Variants in ACOT7 observed in about 807,000 individuals in gnomAD.
ACOT7 encodes cytosolic acyl coenzyme A thioester hydrolase.
A neutral mutation model predicts 40.2 loss-of-function variants in ACOT7; 12 were observed. The ratio of observed to expected loss-of-function variants is 0.30; its 90% CI spans 0.19 to 0.48. ACOT7 has a LOEUF of 0.48. ACOT7 is among the 20% of genes least tolerant of loss of function. The probability of loss-of-function intolerance (pLI) is 0.99; values close to 1 mark genes in which losing one functional copy is unlikely to be tolerated. For missense variants in ACOT7, 395 were observed against 530.8 expected, an observed-to-expected ratio of 0.74 and a Z score of 2.51; for synonymous variants, 228 against 219.5, an observed-to-expected ratio of 1.04 and a Z score of -0.34.
At chr1:6,326,311 C>T (rs1040789187) in intron 5 of ACOT7, among the ~76,000 whole-genome samples, 1 of 152,202 alleles carries the variant, frequency 6.6e-6, no homozygotes, top group Non-Finnish European at 1.5e-5. Flanking sequence ...TCCCCAGGGC[C>T]CCCTGCCCTG....
intron 2 of ACOT7, among the ~76,000 whole-genome samples, chr1:6,347,118 G>T (rs535933899): frequency 6.7e-6 from 1 of 150,096 alleles, no homozygotes; most frequent in Non-Finnish European, 1.5e-5. Context: ...GTGTGGATGC[G>T]GGGGTCCCCT....
In ACOT7 at chr1:6,363,876, C is replaced by T. The variant is rs115246394; in HGVS notation, c.144-14010G>A. ...TTATTTCTACAATCTCTCATCTCCC[C>T]ACATGGGGAGAAAAGCCACCGACCC... On this transcript the variant is annotated intron_variant, in intron 1 of 8. Coordinates refer to ENST00000361521, the MANE Select transcript of ACOT7 (RefSeq NM_007274.4). Among the ~76,000 whole-genome samples, 1,111 of 152,224 alleles carry T rather than the reference C, an allele frequency of 7.3e-3. 8 individuals carry two copies. Among genetic ancestry groups the T allele is most frequent in the South Asian group, 0.014 (66 of 4,824 alleles).
At chr1:6,374,373 C>T (rs998760542) in intron 1 of ACOT7, among the ~76,000 whole-genome samples, 3 of 152,228 alleles carry the variant, frequency 2.0e-5, no homozygotes, top group Admixed American at 1.3e-4. Context: ...CCAGCAGGCC[C>T]TAAGTACTTC....
At chr1:6,377,661 A>T (rs1028908216) in intron 1 of ACOT7, among the ~76,000 whole-genome samples, 3 of 152,236 alleles carry the variant, frequency 2.0e-5, no homozygotes, top group African/African-American at 7.2e-5. Flanking sequence ...GAGACACCAA[A>T]GTGTAGTATC....
chr1:6,332,896 A>G (rs1640999749), intron 4 of ACOT7, among the ~76,000 whole-genome samples: 2 of 152,210 alleles, frequency 1.3e-5, no homozygotes, highest in African/African-American at 4.8e-5. Flanking sequence ...CGAAGCCAGA[A>G]ATGAGAGAAA....
intron 1 of ACOT7, among the ~76,000 whole-genome samples, chr1:6,377,353 T>C (rs1467102833): frequency 6.6e-6 from 1 of 152,042 alleles, no homozygotes; most frequent in Admixed American, 6.6e-5. Flanking sequence ...CTGGACAACA[T>C]AGCGAGACTC....
chr1:6,387,221 C>T (rs190638146), intron 1 of ACOT7, among the ~76,000 whole-genome samples: 24 of 152,194 alleles, frequency 1.6e-4, no homozygotes, highest in Middle Eastern at 3.4e-3. Context: ...GACATCACAA[C>T]TGGGCCCGCC....
At chr1:6,284,218 G>C (rs929326527) in intron 7 of ACOT7, among the ~76,000 whole-genome samples, 1 of 152,160 alleles carries the variant, frequency 6.6e-6, no homozygotes, top group Non-Finnish European at 1.5e-5. Flanking sequence ...GACTGTCCCA[G>C]GGGACCTCGG....
At chr1:6,353,621 G>A (rs1641658085) in intron 1 of ACOT7, among the ~76,000 whole-genome samples, 2 of 152,368 alleles carry the variant, frequency 1.3e-5, no homozygotes, top group South Asian at 4.1e-4. Context: ...GTGACAGAGT[G>A]AGACTTCGTC....
At chr1:6,375,003 C>T (rs112534441) in intron 1 of ACOT7, among the ~76,000 whole-genome samples, 3,352 of 152,164 alleles carry the variant, frequency 0.022, 115 homozygotes, top group African/African-American at 0.077. Flanking sequence ...ACAGGCCGGG[C>T]GCGGTGGCTC....
At position 6,282,821 on chromosome 1, in the gene ACOT7, A is replaced by G. The variant is rs1411002219; in HGVS notation, c.830-1535T>C. ...GCTGTAAGGTACAGAGTCCCATGCA[A>G]AGCGCCCGCAGTCACAAGACGCACC... On this transcript the variant is annotated intron_variant, in intron 7 of 8. Transcript: ENST00000361521. This position sits in a 1 kb window ranked among gnomAD's most constrained non-coding sequence, Gnocchi z 4.5. 1 of 1,303,218 alleles carries G rather than the reference A, an allele frequency of 7.7e-7. No individual in the cohort carries two copies. The highest frequency in any genetic ancestry group is 1.0e-6 in the Non-Finnish European group (1 of 988,028). The allele number at this position is 1,303,218 out of a possible 1,614,324, so 80.7% of individuals were successfully genotyped here. A position where few individuals can be genotyped will look rare whatever the true frequency, so the allele number is the denominator to read the frequency against.
intron 1 of ACOT7, among the ~76,000 whole-genome samples, chr1:6,379,308 G>C (rs34185555): frequency 0.32 from 49,066 of 151,698 alleles, 12,731 homozygotes; most frequent in African/African-American, 0.71. Flanking sequence ...CAGCTGTGAC[G>C]GCAAGCAAGT....
At chr1:6,296,175 G>C (rs1028247323) in intron 6 of ACOT7, among the ~76,000 whole-genome samples, 1 of 151,962 alleles carries the variant, frequency 6.6e-6, no homozygotes, top group Non-Finnish European at 1.5e-5. Context: ...GATTACAGTC[G>C]TGCTACTGAG....
chr1:6,323,974 G>A (rs1000230680), intron 5 of ACOT7, among the ~76,000 whole-genome samples: 1 of 151,880 alleles, frequency 6.6e-6, no homozygotes, highest in Non-Finnish European at 1.5e-5. Context: ...GGGCAGAGAC[G>A]GAGGGTCCTC....
chr1:6,312,420 T>G lies in ACOT7; in HGVS notation c.712+6072A>C, dbSNP rs374030319. Among the ~76,000 whole-genome samples the G allele has an allele frequency of 2.4e-4, 37 of 151,748 alleles. No homozygotes were observed. The South Asian group carries it at 7.1e-3, about 29-fold the overall frequency. On this transcript the variant is annotated intron_variant, in intron 6 of 8. Coordinates refer to ENST00000361521, the MANE Select transcript of ACOT7 (RefSeq NM_007274.4). ...TTCCCCATGATGTGCTTTCTTTCTTTCCCTCCCTCCCTCCCTCCCCCTCTC... is the reference window on the plus strand; with the variant it reads ...TTCCCCATGATGTGCTTTCTTTCTTGCCCTCCCTCCCTCCCTCCCCCTCTC...
At chr1:6,376,658 C>T (rs963054576) in intron 1 of ACOT7, among the ~76,000 whole-genome samples, 2 of 147,350 alleles carry the variant, frequency 1.4e-5, no homozygotes, top group Admixed American at 7.0e-5. Context: ...ACCTGGGAGG[C>T]GGAGGTTGCA....
At chr1:6,303,048 G>A (rs894448663) in intron 6 of ACOT7, among the ~76,000 whole-genome samples, 2 of 152,278 alleles carry the variant, frequency 1.3e-5, no homozygotes, top group Admixed American at 1.3e-4. Flanking sequence ...CGCTTCTGAC[G>A]CTGGAAGCCA....
intron 6 of ACOT7, among the ~76,000 whole-genome samples, chr1:6,315,522 C>T (rs61763897): frequency 6.6e-6 from 1 of 151,922 alleles, no homozygotes; most frequent in Non-Finnish European, 1.5e-5. Flanking sequence ...GAGGCCGAGG[C>T]GGGCAGATCA....
Position 6,282,894 on chromosome 1 carries a change from A to G in ACOT7, c.830-1608T>C. 2 of 813,912 alleles carry G rather than the reference A, an allele frequency of 2.5e-6. No homozygotes were observed. Among genetic ancestry groups the G allele is most frequent in the Non-Finnish European group, 3.7e-6 (2 of 541,452 alleles). The allele number at this position is 813,912 out of a possible 1,614,324, so 50.4% of individuals were successfully genotyped here. A position where few individuals can be genotyped will look rare whatever the true frequency, so the allele number is the denominator to read the frequency against. ...GTCAGGCCCCAGCTAAGGAGCTAGA[A>G]GTTTCAACAGGTCAGACCTGAGGGT... On this transcript the variant is annotated intron_variant, in intron 7 of 8. Coordinates refer to ENST00000361521, the MANE Select transcript of ACOT7 (RefSeq NM_007274.4). This position sits in a 1 kb window ranked among gnomAD's most constrained non-coding sequence, Gnocchi z 4.5.
Sources: gnomAD v4.1 joint callset for allele counts (sites outside exome capture counted in the v4.1 genomes callset) on GRCh38, gnomAD v4.1.1 for gene constraint, Gnocchi (gnomAD v3.1) non-coding constraint, MANE v1.5 for transcripts, NCBI Gene and HGNC (gene_info 2026-07-23, HGNC 2026-07-21) for gene names.